Variants in NUBPL observed in about 807,000 individuals in gnomAD.
The protein encoded by NUBPL is NUBP iron-sulfur cluster assembly factor, mitochondrial.
A neutral mutation model predicts 45.7 loss-of-function variants in NUBPL; 31 were observed. The observed-to-expected ratio is 0.68, with a 90% CI of 0.51 to 0.92. The LOEUF is 0.92. Ranked by LOEUF, NUBPL falls within the 40% of genes least tolerant of loss-of-function variation. NUBPL has a pLI of 0.00. For missense variants in NUBPL, 401 were observed against 398.7 expected (o/e 1.01, Z -0.05); for synonymous variants, 144 against 140.9 (o/e 1.02, Z -0.15).
At chr14:31,821,523 A>G (rs887658468) in intron 7 of NUBPL, among the ~76,000 whole-genome samples, 1 of 152,264 alleles carries the variant, frequency 6.6e-6, no homozygotes, top group Non-Finnish European at 1.5e-5. Flanking sequence ...CTTATGTCCA[A>G]AGTCAGGCAA....
chr14:31,689,700 G>A (rs955329369), intron 6 of NUBPL, among the ~76,000 whole-genome samples: 4 of 152,058 alleles, frequency 2.6e-5, no homozygotes, highest in Non-Finnish European at 4.4e-5. Context: ...CTTTTGTTGC[G>A]ATTGCTGTTG....
At chr14:31,837,393 A>T (rs1352297070) in intron 8 of NUBPL, among the ~76,000 whole-genome samples, 1 of 152,190 alleles carries the variant, frequency 6.6e-6, no homozygotes, top group African/African-American at 2.4e-5. Flanking sequence ...GCATCTTTAG[A>T]CCCTTAAAAG....
chr14:31,658,712 A>G (rs1232486833), intron 4 of NUBPL, among the ~76,000 whole-genome samples: 1 of 152,020 alleles, frequency 6.6e-6, no homozygotes, highest in African/African-American at 2.4e-5. Context: ...GGGTTTCACC[A>G]TGTTGGCCAG....
At chr14:31,782,816 A>T (rs750841949) in intron 6 of NUBPL, among the ~76,000 whole-genome samples, 2 of 152,144 alleles carry the variant, frequency 1.3e-5, no homozygotes, top group Non-Finnish European at 2.9e-5. Context: ...ACAAAAATAA[A>T]CATAGAAATC....
At chr14:31,577,877 A>G in intron 3 of NUBPL, 1 of 980,446 alleles carries the variant, frequency 1.0e-6, no homozygotes, top group South Asian at 1.5e-5. Flanking sequence ...GAGCCACCTT[A>G]GTGGTTTCAA....
At chr14:31,742,862 C>T (rs2140002328) in intron 6 of NUBPL, among the ~76,000 whole-genome samples, 1 of 152,126 alleles carries the variant, frequency 6.6e-6, no homozygotes, top group Middle Eastern at 3.4e-3. Context: ...CTGCCTCAGC[C>T]TCCCGAAGTG....
chr14:31,803,498 G>A (rs1311934849), intron 7 of NUBPL, among the ~76,000 whole-genome samples: 2 of 152,010 alleles, frequency 1.3e-5, no homozygotes, highest in African/African-American at 2.4e-5. Flanking sequence ...GCACCTTAAA[G>A]GTTCAGGAAT....
chr14:31,780,097 G>C (rs2039165302), intron 6 of NUBPL, among the ~76,000 whole-genome samples: 1 of 150,354 alleles, frequency 6.7e-6, no homozygotes, highest in Non-Finnish European at 1.5e-5. Flanking sequence ...GGGTCTTGCT[G>C]TCTTACCCAG....
At chr14:31,858,436 C>T (rs1440574879) in intron 10 of NUBPL, among the ~76,000 whole-genome samples, 1 of 152,184 alleles carries the variant, frequency 6.6e-6, no homozygotes, top group Non-Finnish European at 1.5e-5. Context: ...AGTAATTTTG[C>T]ATTACATTTA....
At chr14:31,699,656 AAGAGTATTC>A (rs1168174509) in intron 6 of NUBPL, among the ~76,000 whole-genome samples, 1 of 152,208 alleles carries the variant, frequency 6.6e-6, no homozygotes, top group African/African-American at 2.4e-5. Flanking sequence ...ACAAAATATT[AAGAGTATTC>A]TTTTGTTTCC....
intron 8 of NUBPL, among the ~76,000 whole-genome samples, chr14:31,841,916 GCTTTTTTTTTTT>G (rs1296204885): frequency 3.0e-5 from 1 of 33,176 alleles, no homozygotes; most frequent in African/African-American, 2.0e-4. Context: ...TCGATTCTGG[GCTTTTTTTTTTT>G]TTTTTTTTTT....
intron 7 of NUBPL, among the ~76,000 whole-genome samples, chr14:31,808,844 CA>C (rs2138893818): frequency 6.6e-6 from 1 of 152,268 alleles, no homozygotes; most frequent in Non-Finnish European, 1.5e-5. Context: ...TGAATTTTGT[CA>C]AAGGCCTTTT....
At chr14:31,662,425 C>G (rs2036294414) in intron 4 of NUBPL, among the ~76,000 whole-genome samples, 1 of 152,094 alleles carries the variant, frequency 6.6e-6, no homozygotes, top group South Asian at 2.1e-4. Context: ...GGCTTTTAAG[C>G]CCCACATGCT....
intron 9 of NUBPL, among the ~76,000 whole-genome samples, chr14:31,848,538 TCAGAC>T (rs1369416557): frequency 6.6e-6 from 1 of 152,226 alleles, no homozygotes; most frequent in African/African-American, 2.4e-5. Context: ...AGTTAAGGTC[TCAGAC>T]CATCTCACAG....
intron 3 of NUBPL, among the ~76,000 whole-genome samples, chr14:31,569,019 A>G (rs1252189048): frequency 6.6e-6 from 1 of 152,218 alleles, no homozygotes; most frequent in Non-Finnish European, 1.5e-5. Context: ...TATAATGTAT[A>G]AACAAATATA....
intron 4 of NUBPL, among the ~76,000 whole-genome samples, chr14:31,613,704 C>T (rs2034822438): frequency 6.6e-6 from 1 of 152,058 alleles, no homozygotes; most frequent in Non-Finnish European, 1.5e-5. Context: ...GATCCTCCTG[C>T]CTCAGCCTCC....
At chr14:31,805,212 A>G (rs2039662858) in intron 7 of NUBPL, among the ~76,000 whole-genome samples, 1 of 152,260 alleles carries the variant, frequency 6.6e-6, no homozygotes. Context: ...CCACAATGAG[A>G]TATCATCTCA....
At chr14:31,839,964 G>A (rs1023632675) in intron 8 of NUBPL, among the ~76,000 whole-genome samples, 13 of 152,232 alleles carry the variant, frequency 8.5e-5, no homozygotes, top group East Asian at 7.7e-4. Context: ...AAGTGTTGGC[G>A]AGGATGTGAA....
At chr14:31,589,877 G>T (rs1007391959) in intron 3 of NUBPL, among the ~76,000 whole-genome samples, 2 of 152,164 alleles carry the variant, frequency 1.3e-5, no homozygotes, top group Non-Finnish European at 2.9e-5. Context: ...TTCCTCCTCA[G>T]TACTCTTTGG....
Sources: gnomAD v4.1 joint callset for allele counts (sites outside exome capture counted in the v4.1 genomes callset) on GRCh38, gnomAD v4.1.1 for gene constraint, MANE v1.5 for transcripts, NCBI Gene and HGNC (gene_info 2026-07-23, HGNC 2026-07-21) for gene names.